The following NFATC1 variants were observed in gnomAD, a reference collection of about 807,000 sequenced individuals.
NFATC1 encodes nuclear factor of activated T cells 1.
Under a neutral mutation model 76.0 loss-of-function variants are expected in NFATC1, and 22 were observed. The ratio of observed to expected loss-of-function variants is 0.29; its 90% CI spans 0.21 to 0.41. The LOEUF (loss-of-function observed/expected upper bound fraction) is 0.41, where lower values mean the gene tolerates loss of function less well. Ranked by LOEUF, NFATC1 falls within the 10% of genes least tolerant of loss-of-function variation. The pLI is 1.00. For synonymous variants in NFATC1, 704 were observed against 613.1 expected (o/e 1.15, Z -2.19); for missense variants, 1,357 against 1,337.7 (o/e 1.01, Z -0.23).
At chr18:79,443,422 C>G (rs2087063259) in intron 3 of NFATC1, among the ~76,000 whole-genome samples, 1 of 152,232 alleles carries the variant, frequency 6.6e-6, no homozygotes, top group Admixed American at 6.5e-5. Context: ...GGGCAGCGCC[C>G]ACTACTCACC....
In NFATC1 at chr18:79,442,180, C is replaced by G. The variant is rs1375806647; in HGVS notation, c.1387-6602C>G. Among the ~76,000 whole-genome samples the G allele has an allele frequency of 2.0e-5, 3 of 152,322 alleles. No homozygotes were observed. The East Asian group carries it at 5.8e-4, about 29-fold the overall frequency. On this transcript the variant is annotated intron_variant, in intron 3 of 9. Transcript: ENST00000427363. ...GGCGGTGGGGGAGGGCACCAGTTCT[C>G]CACGGCAAGCACGGCCTCTGGGGCT...
rs763426487 is a variant in NFATC1 at position 79,499,083 on chromosome 18, C to T, written c.2782+12146C>T. Among the ~76,000 whole-genome samples, 116 of 152,160 alleles carry T rather than the reference C, an allele frequency of 7.6e-4. 2 individuals are homozygous for T. The highest frequency in any genetic ancestry group is 1.4e-3 in the Non-Finnish European group (97 of 68,022). ...TTACATAGGTGAATTAAAAAGACAG[C>T]ACAAACATGTTTTAAACTTTTCTTC... is the stretch of plus-strand genomic sequence containing the variant. On this transcript the variant is annotated intron_variant, in intron 9 of 9. Coordinates refer to ENST00000427363, the MANE Select transcript of NFATC1 (RefSeq NM_001278669.2).
At position 79,420,185 on chromosome 18, in the gene NFATC1, T is replaced by C. The variant is rs534706361; in HGVS notation, c.1226+8684T>C. Reference sequence around the variant, plus strand: ...TGCTGCAGAGGGGAAGAGGGGGACGTGTTTCCAGGCGACGTCGCTGCAGAG... The same window carrying C: ...TGCTGCAGAGGGGAAGAGGGGGACGCGTTTCCAGGCGACGTCGCTGCAGAG... On this transcript the variant is annotated intron_variant, in intron 2 of 9. Transcript: ENST00000427363. 8.8e-3 allele frequency among the ~76,000 whole-genome samples: 970 copies of C among 110,114 alleles called. 1 individual carries two copies. Among genetic ancestry groups the C allele is most frequent in the Middle Eastern group, 0.027 (4 of 148 alleles). The allele number at this position is 110,114 out of a possible 152,430, so 72.2% of individuals were successfully genotyped here.
intron 9 of NFATC1, among the ~76,000 whole-genome samples, chr18:79,489,421 C>T (rs2145079014): frequency 6.6e-6 from 1 of 152,344 alleles, no homozygotes; most frequent in South Asian, 2.1e-4. Context: ...CCATTGGGGC[C>T]TCTCCTGACA....
chr18:79,402,741 T>G (rs1243647449), intron 1 of NFATC1, among the ~76,000 whole-genome samples: 2 of 152,258 alleles, frequency 1.3e-5, no homozygotes, highest in Non-Finnish European at 2.9e-5. Flanking sequence ...TGTTTTCCCG[T>G]GAGACACCGT....
intron 8 of NFATC1, chr18:79,467,792 GGGGGGC>G: frequency 5.4e-6 from 1 of 186,650 alleles, no homozygotes; most frequent in Non-Finnish European, 7.9e-6. Context: ...TGTTGGGGGT[GGGGGGC>G]GGGGGTTGCA....
intron 8 of NFATC1, among the ~76,000 whole-genome samples, chr18:79,473,824 C>T (rs543463932): frequency 1.4e-5 from 2 of 140,118 alleles, no homozygotes; most frequent in African/African-American, 5.5e-5. Context: ...TTGACGTAAA[C>T]CTGAGGGAAG....
At position 79,492,468 on chromosome 18, in the gene NFATC1, G is replaced by A. The variant is rs191043783; in HGVS notation, c.2782+5531G>A. On this transcript the variant is annotated intron_variant, in intron 9 of 9. Transcript: ENST00000427363. ...CTCAGGCCTGTAATCCCTGTACTTT[G>A]GAAGGCTGAGGCGGGTGGATCACGA... Among the ~76,000 whole-genome samples the A allele has an allele frequency of 7.2e-5, 11 of 152,212 alleles. No individual in the cohort carries two copies. In the East Asian group the frequency reaches 2.1e-3, roughly 29 times the overall value.
chr18:79,501,710 A>G (rs1042605032), intron 9 of NFATC1, among the ~76,000 whole-genome samples: 2 of 151,128 alleles, frequency 1.3e-5, no homozygotes, highest in African/African-American at 4.9e-5. Flanking sequence ...CAAATAAATT[A>G]TGTCTATATG....
intron 3 of NFATC1, among the ~76,000 whole-genome samples, chr18:79,443,266 G>A (rs983465736): frequency 3.9e-5 from 6 of 152,188 alleles, no homozygotes; most frequent in East Asian, 1.9e-4. Context: ...GTCAGCTTGT[G>A]CACCGCGCGT....
At chr18:79,483,356 G>A (rs2089372287) in intron 8 of NFATC1, among the ~76,000 whole-genome samples, 1 of 133,358 alleles carries the variant, frequency 7.5e-6, no homozygotes, top group Admixed American at 7.5e-5. Context: ...GGTTCCTGGG[G>A]TGTCATTCCG....
At chr18:79,455,619 G>C (rs2087667028) in intron 6 of NFATC1, among the ~76,000 whole-genome samples, 1 of 152,080 alleles carries the variant, frequency 6.6e-6, no homozygotes, top group Non-Finnish European at 1.5e-5. Flanking sequence ...TGCACGGTGG[G>C]AGCGAGTAGA....
At chr18:79,489,731 C>T (rs972925108) in intron 9 of NFATC1, among the ~76,000 whole-genome samples, 1 of 152,210 alleles carries the variant, frequency 6.6e-6, no homozygotes, top group Non-Finnish European at 1.5e-5. Flanking sequence ...TCCACGTACG[C>T]TTCGTCAGGC....
Position 79,425,710 on chromosome 18 carries a change from C to T in NFATC1, c.1227-7869C>T, listed in dbSNP as rs540413101. 1.4e-3 allele frequency among the ~76,000 whole-genome samples: 216 copies of T among 152,124 alleles called. 2 individuals are homozygous for T. The highest frequency in any genetic ancestry group is 2.4e-3 in the Non-Finnish European group (166 of 68,038). Reference sequence around the variant, plus strand: ...GGAGAGTGTTTTCAGATGCTGGGGACGTGGCCTTTCTAAGGGAGAGGGACA... The same window carrying T: ...GGAGAGTGTTTTCAGATGCTGGGGATGTGGCCTTTCTAAGGGAGAGGGACA... On this transcript the variant is annotated intron_variant, in intron 2 of 9. Transcript: ENST00000427363.
intron 4 of NFATC1, 90 bp downstream of exon 4, chr18:79,449,074 C>G (rs567791783): frequency 3.1e-5 from 41 of 1,334,686 alleles, no homozygotes; most frequent in Non-Finnish European, 4.2e-5. Flanking sequence ...GCCAGCCCCC[C>G]GCACTTCCAG....
At chr18:79,434,085 G>A (rs998366852) in intron 3 of NFATC1, among the ~76,000 whole-genome samples, 12 of 152,328 alleles carry the variant, frequency 7.9e-5, no homozygotes, top group African/African-American at 2.2e-4. Context: ...CACCAGCCTC[G>A]CCTGGTGGGG....
At chr18:79,462,593 C>T (rs1275866206) in intron 7 of NFATC1, among the ~76,000 whole-genome samples, 2 of 152,224 alleles carry the variant, frequency 1.3e-5, no homozygotes, top group African/African-American at 2.4e-5. Context: ...CATGAGCCAC[C>T]GTGCCCGGCC....
intron 7 of NFATC1, among the ~76,000 whole-genome samples, chr18:79,463,989 A>G (rs1477033497): frequency 6.6e-6 from 1 of 152,232 alleles, no homozygotes; most frequent in Non-Finnish European, 1.5e-5. Flanking sequence ...TTTACTTTTG[A>G]CACTGGCATA....
Position 79,398,695 on chromosome 18 carries a change from G to A in NFATC1, c.127+2344G>A, listed in dbSNP as rs577152487. On this transcript the variant is annotated intron_variant, in intron 1 of 9. Coordinates refer to ENST00000427363, the MANE Select transcript of NFATC1 (RefSeq NM_001278669.2). Reference sequence around the variant, plus strand: ...AGCAGGCGGGACAGTTTAGCAAAAAGTTTTAGTCTAAACAGATGATAAGGG... The same window carrying A: ...AGCAGGCGGGACAGTTTAGCAAAAAATTTTAGTCTAAACAGATGATAAGGG... Among the ~76,000 whole-genome samples the A allele has an allele frequency of 1.2e-3, 188 of 152,348 alleles. 1 individual carries two copies. Among genetic ancestry groups the A allele is most frequent in the African/African-American group, 4.2e-3 (173 of 41,574 alleles).
Sources: gnomAD v4.1 joint callset for allele counts (sites outside exome capture counted in the v4.1 genomes callset) on GRCh38, gnomAD v4.1.1 for gene constraint, MANE v1.5 for transcripts, NCBI Gene and HGNC (gene_info 2026-07-23, HGNC 2026-07-21) for gene names.